TEAD4: variants seen among roughly 807,000 people sequenced by gnomAD.
TEAD4 encodes the protein transcriptional enhancer factor TEF-3.
A neutral mutation model predicts 52.4 loss-of-function variants in TEAD4; 36 were observed. The ratio of observed to expected loss-of-function variants is 0.69; its 90% CI spans 0.53 to 0.91. TEAD4 has a LOEUF of 0.91. Among genes scored for constraint, TEAD4 ranks in the 40% least tolerant of loss-of-function variants. TEAD4 has a pLI of 0.00. For synonymous variants in TEAD4, 220 were observed against 231.0 expected (o/e 0.95, Z 0.43); for missense variants, 508 against 583.9 (o/e 0.87, Z 1.34).
At chr12:3,006,120 A>G (rs181212557) in intron 3 of TEAD4, among the ~76,000 whole-genome samples, 1 of 152,372 alleles carries the variant, frequency 6.6e-6, no homozygotes, top group African/African-American at 2.4e-5. Flanking sequence ...ATATACGTAT[A>G]TCATAACATC....
At chr12:3,035,650 C>G (rs983668584) in intron 10 of TEAD4, among the ~76,000 whole-genome samples, 2 of 151,844 alleles carry the variant, frequency 1.3e-5, no homozygotes, top group Non-Finnish European at 2.9e-5. Flanking sequence ...CGAGACCCTG[C>G]CTCTACAAAA....
chr12:2,962,244 C>A (rs976076870), intron 2 of TEAD4, among the ~76,000 whole-genome samples: 4 of 145,418 alleles, frequency 2.8e-5, no homozygotes, highest in Admixed American at 7.0e-5. Flanking sequence ...CCTGCCTCAG[C>A]CTCCCGGCCG....
intron 10 of TEAD4, among the ~76,000 whole-genome samples, chr12:3,037,504 C>T (rs574269706): frequency 3.9e-4 from 59 of 152,302 alleles, no homozygotes; most frequent in African/African-American, 4.3e-4. Flanking sequence ...TCCCCACTGC[C>T]GGTCTCTTGC....
intron 2 of TEAD4, among the ~76,000 whole-genome samples, chr12:2,992,469 A>C (rs906397408): frequency 3.3e-5 from 5 of 151,866 alleles, no homozygotes; most frequent in African/African-American, 1.2e-4. Flanking sequence ...CCTCCCTCAC[A>C]GTGCCTCTCT....
intron 2 of TEAD4, among the ~76,000 whole-genome samples, chr12:2,978,135 G>A (rs557030007): frequency 5.9e-5 from 9 of 152,094 alleles, no homozygotes; most frequent in African/African-American, 1.9e-4. Context: ...TCGGGCCCAG[G>A]TCCCCTGCAG....
At chr12:2,995,038 G>A (rs377586932) in intron 3 of TEAD4, 46 bp downstream of exon 3, 1 of 1,586,660 alleles carries the variant, frequency 6.3e-7, no homozygotes, top group Non-Finnish European at 8.6e-7. Context: ...GCTGAGGCAA[G>A]GGGCCGACAC....
chr12:2,984,158 C>G (rs143176270), intron 2 of TEAD4, among the ~76,000 whole-genome samples: 49 of 152,200 alleles, frequency 3.2e-4, no homozygotes, highest in African/African-American at 1.2e-3. Flanking sequence ...GAAGGAAGTA[C>G]AGAGGGTGGT....
chr12:3,015,235 G>A (rs994144106), intron 5 of TEAD4, among the ~76,000 whole-genome samples: 17 of 151,924 alleles, frequency 1.1e-4, no homozygotes, highest in Non-Finnish European at 2.1e-4. Context: ...CGTCTCCCCC[G>A]ACCCCTTGGT....
rs1434660878 is a variant in TEAD4, at chr12:2,959,763, G to A, written c.-122-185G>A. On this transcript the variant is annotated intron_variant, in intron 1 of 12. Transcript: ENST00000359864. This position sits in a 1 kb window ranked among gnomAD's most constrained non-coding sequence, Gnocchi z 5.1. ...CACTCCTCCAGGAATAGGGATCCCC[G>A]TGTTTTCCCGTCAGTCCCATTCTGG... is the stretch of plus-strand genomic sequence containing the variant. The A allele has an allele frequency of 6.6e-6, 1 of 150,920 alleles. No individual in the cohort carries two copies. Among genetic ancestry groups the A allele is most frequent in the African/African-American group, 2.4e-5 (1 of 41,154 alleles). 9.3% of individuals were successfully genotyped at this position (150,920 alleles called of 1,614,324 possible).
At chr12:2,971,514 C>G (rs770075957) in intron 2 of TEAD4, among the ~76,000 whole-genome samples, 1 of 151,798 alleles carries the variant, frequency 6.6e-6, no homozygotes, top group South Asian at 2.1e-4. Context: ...CTCGCTCTGT[C>G]GCCCAGGCTG....
intron 10 of TEAD4, among the ~76,000 whole-genome samples, chr12:3,024,140 T>C (rs2098270546): frequency 6.6e-6 from 1 of 151,936 alleles, no homozygotes; most frequent in Non-Finnish European, 1.5e-5. Flanking sequence ...AGTGGCGTGA[T>C]CTTGGCTCAC....
At chr12:2,978,866 T>C (rs1379020632) in intron 2 of TEAD4, among the ~76,000 whole-genome samples, 3 of 152,198 alleles carry the variant, frequency 2.0e-5, no homozygotes, top group Non-Finnish European at 4.4e-5. Flanking sequence ...CTTAGTGCAA[T>C]GTCCTTAAGG....
chr12:3,005,983 A>G (rs1182895145), intron 3 of TEAD4, among the ~76,000 whole-genome samples: 2 of 152,192 alleles, frequency 1.3e-5, no homozygotes, highest in Admixed American at 6.5e-5. Flanking sequence ...TGGTGACTGT[A>G]GCGAATAATA....
At chr12:3,015,588 G>T (rs1047978372) in intron 5 of TEAD4, among the ~76,000 whole-genome samples, 3 of 152,254 alleles carry the variant, frequency 2.0e-5, no homozygotes, top group Non-Finnish European at 4.4e-5. Flanking sequence ...ATGGAGCTGC[G>T]TGTGGACCGC....
At chr12:2,992,316 GC>G (rs1402420234) in intron 2 of TEAD4, among the ~76,000 whole-genome samples, 4 of 152,084 alleles carry the variant, frequency 2.6e-5, no homozygotes, top group Non-Finnish European at 5.9e-5. Flanking sequence ...ACTGCGCCCG[GC>G]TGGTTCCTGC....
intron 10 of TEAD4, among the ~76,000 whole-genome samples, chr12:3,026,655 T>C (rs2153957853): frequency 6.6e-6 from 1 of 152,234 alleles, no homozygotes; most frequent in East Asian, 1.9e-4. Context: ...GTTGGGTAAG[T>C]TGCTGTTCTG....
At chr12:3,019,861 A>T (rs1484769640) in intron 8 of TEAD4, among the ~76,000 whole-genome samples, 3 of 151,988 alleles carry the variant, frequency 2.0e-5, no homozygotes, top group Non-Finnish European at 4.4e-5. Context: ...CATCAAAACA[A>T]AGTCACAGCG....
chr12:2,997,638 T>C (rs1591574521), intron 3 of TEAD4, among the ~76,000 whole-genome samples: 1 of 151,542 alleles, frequency 6.6e-6, no homozygotes. Context: ...GAGACAGAGG[T>C]GGGCCGGAAA....
chr12:2,994,633 T>C lies in TEAD4; in HGVS notation c.-29-105T>C. 1 of 1,402,026 alleles carries C rather than the reference T, an allele frequency of 7.1e-7. No homozygotes were observed. The highest frequency in any genetic ancestry group is 9.4e-7 in the Non-Finnish European group (1 of 1,068,656). 86.8% of individuals were successfully genotyped at this position (1,402,026 alleles called of 1,614,324 possible). A position where few individuals can be genotyped will look rare whatever the true frequency, so the allele number is the denominator to read the frequency against. ...CAGATCTTTCACTTCACGCTTTGCT[T>C]CCTGAGCAACTGATTCGGGCTCTGG... On this transcript the variant is annotated intron_variant, in intron 2 of 12. Coordinates refer to ENST00000359864, the MANE Select transcript of TEAD4 (RefSeq NM_003213.4). This position sits in a 1 kb window ranked among gnomAD's most constrained non-coding sequence, Gnocchi z 4.7.
Sources: gnomAD v4.1 joint callset for allele counts (sites outside exome capture counted in the v4.1 genomes callset) on GRCh38, gnomAD v4.1.1 for gene constraint, Gnocchi (gnomAD v3.1) non-coding constraint, MANE v1.5 for transcripts, NCBI Gene and HGNC (gene_info 2026-07-23, HGNC 2026-07-21) for gene names.